The following RPRD2 variants were observed in gnomAD, a reference collection of about 807,000 sequenced individuals.
RPRD2 encodes the protein regulation of nuclear pre-mRNA domain-containing protein 2.
Under a neutral mutation model 104.4 loss-of-function variants are expected in RPRD2, and 12 were observed. The ratio of observed to expected loss-of-function variants is 0.11; its 90% CI spans 0.07 to 0.19. The LOEUF (loss-of-function observed/expected upper bound fraction) is 0.19, where lower values mean the gene tolerates loss of function less well. RPRD2 is among the 10% of genes least tolerant of loss of function. RPRD2 has a pLI of 1.00. For missense variants in RPRD2, 1,543 were observed against 1,790.1 expected (o/e 0.86, Z 2.49); for synonymous variants, 714 against 684.9 (o/e 1.04, Z -0.66).
intron 7 of RPRD2, among the ~76,000 whole-genome samples, chr1:150,450,607 A>G (rs12724559): frequency 3.5e-5 from 1 of 28,800 alleles, no homozygotes; most frequent in African/African-American, 1.5e-4. Context: ...CTCCGTCTCA[A>G]AAAAAAAAAA....
rs1253255396 is a variant in RPRD2, at chr1:150,476,306, C to T, written c.*2972C>T. 2 of 152,124 alleles carry T rather than the reference C, an allele frequency of 1.3e-5. No homozygotes were observed. The highest frequency in any genetic ancestry group is 4.8e-5 in the African/African-American group (2 of 41,418). 9.4% of individuals were successfully genotyped at this position (152,124 alleles called of 1,614,324 possible). On this transcript the variant is annotated 3_prime_UTR_variant, in exon 11 of 11. Transcript: ENST00000369068. Reference sequence around the variant, plus strand: ...TAATGGCAGGATATTCACTCTCAATCCTGAAGTTACCGGTTCCTGCAGAAT... The same window carrying T: ...TAATGGCAGGATATTCACTCTCAATTCTGAAGTTACCGGTTCCTGCAGAAT...
chr1:150,433,332 CAAA>C (rs1430394004), intron 2 of RPRD2, among the ~76,000 whole-genome samples: 6 of 147,182 alleles, frequency 4.1e-5, no homozygotes, highest in African/African-American at 1.5e-4. Context: ...AAGACAGAAA[CAAA>C]AACAGAAATT....
At chr1:150,400,953 G>T (rs1202516470) in intron 1 of RPRD2, among the ~76,000 whole-genome samples, 1 of 151,980 alleles carries the variant, frequency 6.6e-6, no homozygotes, top group Admixed American at 6.6e-5. Flanking sequence ...AAGGTGGGTG[G>T]ATCACGAGGT....
At chr1:150,421,443 T>C (rs1269857603) in intron 2 of RPRD2, among the ~76,000 whole-genome samples, 3 of 152,182 alleles carry the variant, frequency 2.0e-5, no homozygotes, top group African/African-American at 7.2e-5. Flanking sequence ...TATTTCCTAA[T>C]ATGTTATTTA....
intron 2 of RPRD2, among the ~76,000 whole-genome samples, chr1:150,422,158 C>G (rs1472622682): frequency 7.9e-6 from 1 of 125,980 alleles, no homozygotes; most frequent in Non-Finnish European, 1.7e-5. Context: ...AACCCCGTCT[C>G]TACTAAAAAC....
At chr1:150,391,352 A>T (rs1314868431) in intron 1 of RPRD2, among the ~76,000 whole-genome samples, 1 of 152,108 alleles carries the variant, frequency 6.6e-6, no homozygotes, top group Non-Finnish European at 1.5e-5. Context: ...TAAGGGTCTC[A>T]TGTGTTGCCC....
chr1:150,386,334 C>T (rs965346609), intron 1 of RPRD2, among the ~76,000 whole-genome samples: 2 of 151,974 alleles, frequency 1.3e-5, no homozygotes, highest in Non-Finnish European at 2.9e-5. Context: ...CCTGTAATGC[C>T]GGCATTTTGG....
At chr1:150,411,331 C>T (rs1257400103) in intron 1 of RPRD2, among the ~76,000 whole-genome samples, 4 of 149,032 alleles carry the variant, frequency 2.7e-5, no homozygotes, top group African/African-American at 7.5e-5. Flanking sequence ...CGTGCTGATG[C>T]GCACCCGTAG....
chr1:150,440,897 C>A, intron 2 of RPRD2, 26 bp from the exon 3 acceptor site: 1 of 1,124,704 alleles, frequency 8.9e-7, no homozygotes, highest in South Asian at 1.4e-5. Context: ...TTTTTATAGT[C>A]TGTATTACTT....
rs935708638 is a variant in RPRD2 at position 150,475,522 on chromosome 1, C to T, written c.*2188C>T. The stretch of plus-strand genomic sequence containing the variant: ...TGATGGTTAATACATGAAAGGAAGA[C>T]TTTGTTGGACAGTTTCGAAGGTGGG... On this transcript the variant is annotated 3_prime_UTR_variant, in exon 11 of 11. Transcript: ENST00000369068. 2.0e-5 allele frequency: 3 copies of T among 152,486 alleles called. No individual in the cohort carries two copies. Among genetic ancestry groups the T allele is most frequent in the Non-Finnish European group, 2.9e-5 (2 of 68,024 alleles). The allele number at this position is 152,486 out of a possible 1,614,324, so 9.4% of individuals were successfully genotyped here. A position where few individuals can be genotyped will look rare whatever the true frequency, so the allele number is the denominator to read the frequency against.
At chr1:150,452,661 CTT>C (rs782322743) in intron 7 of RPRD2, among the ~76,000 whole-genome samples, 29 of 71,216 alleles carry the variant, frequency 4.1e-4, no homozygotes, top group East Asian at 3.4e-3. Context: ...GACATATCCC[CTT>C]TTTTTTTTTT....
chr1:150,415,394 G>A (rs11588221), intron 1 of RPRD2, among the ~76,000 whole-genome samples: 17 of 151,716 alleles, frequency 1.1e-4, no homozygotes, highest in African/African-American at 1.9e-4. Flanking sequence ...TACAAGAAGC[G>A]AGGATAAGCC....
chr1:150,446,111 C>T, intron 6 of RPRD2, 115 bp from the exon 7 acceptor site: 1 of 666,426 alleles, frequency 1.5e-6, no homozygotes, highest in Non-Finnish European at 2.5e-6. Flanking sequence ...TAGAGTACTG[C>T]ACAGTAAGGC....
At chr1:150,408,299 G>A (rs1444874951) in intron 1 of RPRD2, among the ~76,000 whole-genome samples, 31 of 150,466 alleles carry the variant, frequency 2.1e-4, no homozygotes, top group African/African-American at 7.4e-4. Flanking sequence ...CGAGTATCTG[G>A]GATTGCAGGT....
chr1:150,443,384 CAT>C (rs1666535806), intron 5 of RPRD2, 101 bp downstream of exon 5: 23 of 867,762 alleles, frequency 2.7e-5, no homozygotes, highest in South Asian at 6.5e-5. Flanking sequence ...TTCAATTACA[CAT>C]GTCATGTTTT....
intron 1 of RPRD2, among the ~76,000 whole-genome samples, chr1:150,377,204 T>C (rs1313363791): frequency 1.3e-5 from 2 of 149,716 alleles, no homozygotes; most frequent in African/African-American, 4.9e-5. Flanking sequence ...AGCGAGACTA[T>C]CTCCAGAAAA....
At chr1:150,448,383 C>T (rs1256207412) in intron 7 of RPRD2, among the ~76,000 whole-genome samples, 2 of 151,974 alleles carry the variant, frequency 1.3e-5, no homozygotes, top group East Asian at 3.9e-4. Flanking sequence ...TGGACAGGCT[C>T]GTCTTGAACT....
chr1:150,442,114 T>A (rs1666446828), intron 4 of RPRD2, among the ~76,000 whole-genome samples, 156 bp downstream of exon 4: 1 of 136,810 alleles, frequency 7.3e-6, no homozygotes, highest in African/African-American at 2.7e-5. Flanking sequence ...CAAGCCATCA[T>A]GGAGATACTT....
At chr1:150,427,415 G>A (rs587667576) in intron 2 of RPRD2, among the ~76,000 whole-genome samples, 1 of 151,800 alleles carries the variant, frequency 6.6e-6, no homozygotes, top group African/African-American at 2.4e-5. Context: ...AGAGATTGCA[G>A]TGAGCCGAGA....
Sources: gnomAD v4.1 joint callset for allele counts (sites outside exome capture counted in the v4.1 genomes callset) on GRCh38, gnomAD v4.1.1 for gene constraint, MANE v1.5 for transcripts, NCBI Gene and HGNC (gene_info 2026-07-23, HGNC 2026-07-21) for gene names.